Variants in ADAMTSL1 observed in about 807,000 individuals in gnomAD.
The protein encoded by ADAMTSL1 is ADAMTS-like protein 1.
A neutral mutation model predicts 201.8 loss-of-function variants in ADAMTSL1; 126 were observed. That is an observed-to-expected ratio of 0.62 (90% CI 0.54 to 0.72). The LOEUF (loss-of-function observed/expected upper bound fraction) is 0.72. ADAMTSL1 is among the 30% of genes least tolerant of loss of function. The pLI is 0.00. For missense variants in ADAMTSL1, 2,679 were observed against 2,277.8 expected, an observed-to-expected ratio of 1.18 and a Z score of -3.59; for synonymous variants, 1,121 against 903.4, an observed-to-expected ratio of 1.24 and a Z score of -4.32.
chr9:18,064,577 C>CCT (rs1822608859), intron 1 of ADAMTSL1, among the ~76,000 whole-genome samples: 4 of 152,106 alleles, frequency 2.6e-5, no homozygotes, highest in African/African-American at 4.8e-5. Context: ...TGTTTGAGAG[C>CCT]AGAACTTCTC....
chr9:18,248,405 A>C (rs1244378456), intron 2 of ADAMTSL1, among the ~76,000 whole-genome samples: 1 of 152,184 alleles, frequency 6.6e-6, no homozygotes, highest in Admixed American at 6.5e-5. Context: ...AAGAAAAGCC[A>C]AGGTGTATTC....
intron 10 of ADAMTSL1, among the ~76,000 whole-genome samples, chr9:18,679,446 T>G (rs570055057): frequency 1.3e-5 from 2 of 152,072 alleles, no homozygotes; most frequent in Non-Finnish European, 2.9e-5. Context: ...GGCAAAGATA[T>G]CTCTCTGCAT....
intron 28 of ADAMTSL1, chr9:18,907,201 A>C (rs963969082): frequency 4.6e-6 from 2 of 436,486 alleles, no homozygotes; most frequent in Non-Finnish European, 8.3e-6. Context: ...GTTCCCCTGC[A>C]GTCAGTCTGG....
rs575737807 is a variant in ADAMTSL1, at chr9:18,668,961, C to A, written c.1085+6888C>A. Among the ~76,000 whole-genome samples the A allele has an allele frequency of 4.3e-4, 65 of 152,326 alleles. No homozygotes were observed. In the South Asian group the frequency reaches 0.012, roughly 29 times the overall value. ...GCAAATTGGGATGTGGATCTAAGTTCTTCCAGTTCTACAGTATCTCTACAT... is the reference window on the plus strand; with the variant it reads ...GCAAATTGGGATGTGGATCTAAGTTATTCCAGTTCTACAGTATCTCTACAT... On this transcript the variant is annotated intron_variant, in intron 9 of 28. Coordinates refer to ENST00000380548, the MANE Select transcript of ADAMTSL1 (RefSeq NM_001040272.6).
At chr9:18,155,455 C>T (rs1184809113) in intron 1 of ADAMTSL1, among the ~76,000 whole-genome samples, 1 of 152,074 alleles carries the variant, frequency 6.6e-6, no homozygotes, top group Non-Finnish European at 1.5e-5. Flanking sequence ...CACTGTGGAG[C>T]AAGCTTGTCC....
intron 2 of ADAMTSL1, among the ~76,000 whole-genome samples, chr9:18,203,045 A>T (rs1829512678): frequency 6.6e-6 from 1 of 152,136 alleles, no homozygotes; most frequent in South Asian, 2.1e-4. Flanking sequence ...AGTGTCAGGT[A>T]GCCACCTTTC....
intron 1 of ADAMTSL1, among the ~76,000 whole-genome samples, chr9:17,966,443 C>T (rs959326068): frequency 1.3e-5 from 2 of 152,098 alleles, no homozygotes; most frequent in Admixed American, 6.6e-5. Context: ...CTTCATGTGC[C>T]GCATTCCGAT....
chr9:18,695,105 G>A (rs1831472261), intron 13 of ADAMTSL1, among the ~76,000 whole-genome samples: 1 of 152,224 alleles, frequency 6.6e-6, no homozygotes, highest in South Asian at 2.1e-4. Flanking sequence ...TTGTCCCAAG[G>A]TTGTGCAGGG....
At chr9:18,218,826 T>C (rs1269466762) in intron 2 of ADAMTSL1, among the ~76,000 whole-genome samples, 2 of 152,066 alleles carry the variant, frequency 1.3e-5, no homozygotes, top group Non-Finnish European at 2.9e-5. Context: ...TAAAAACCTC[T>C]TCTCTGTATT....
chr9:18,279,645 C>T (rs1323087532), intron 2 of ADAMTSL1, among the ~76,000 whole-genome samples: 3 of 151,704 alleles, frequency 2.0e-5, no homozygotes, highest in Non-Finnish European at 4.4e-5. Flanking sequence ...AACAGAAATC[C>T]ACAACTTAGA....
At position 18,681,929 on chromosome 9, in the gene ADAMTSL1, A is replaced by C; in HGVS notation, c.1459A>C (p.Ile487Leu). ...KTKPHIKEEC[I>L]VPTPCYKPKE... ...AAAGCCCCACATAAAAGAGGAATGC[A>C]TCGTACCCACTCCCTGCTATAAACC... Residue 487 changes from isoleucine to leucine, a missense_variant, in exon 12 of 29, where the codon ATC (isoleucine) becomes CTC (leucine). Physicochemically the swap from Ile to Leu is conservative, Grantham distance 5. Coordinates refer to ENST00000380548, the MANE Select transcript of ADAMTSL1 (RefSeq NM_001040272.6). The C allele has an allele frequency of 6.2e-7, 1 of 1,614,204 alleles. No individual in the cohort carries two copies.
At chr9:18,432,022 C>T (rs1819515534) in intron 2 of ADAMTSL1, among the ~76,000 whole-genome samples, 1 of 152,162 alleles carries the variant, frequency 6.6e-6, no homozygotes, top group African/African-American at 2.4e-5. Context: ...CTCTTTCTTA[C>T]TCTCTATTGG....
At chr9:18,022,935 T>C (rs1056851828) in intron 1 of ADAMTSL1, among the ~76,000 whole-genome samples, 7 of 152,122 alleles carry the variant, frequency 4.6e-5, no homozygotes, top group African/African-American at 1.7e-4. Flanking sequence ...TGGCCTCCCA[T>C]CCTTCTCCAC....
rs989566578 is a variant in ADAMTSL1, at chr9:18,813,363, T to C, written c.3806-3746T>C. 2.6e-5 allele frequency among the ~76,000 whole-genome samples: 4 copies of C among 152,142 alleles called. No individual in the cohort carries two copies. In the South Asian group the frequency reaches 6.2e-4, roughly 24 times the overall value. On this transcript the variant is annotated intron_variant, in intron 20 of 28. Coordinates refer to ENST00000380548, the MANE Select transcript of ADAMTSL1 (RefSeq NM_001040272.6). ...TTGTTCTTTCTATTTTTGTAAAGAG[T>C]GTCATTTGTATTTTCACAGGGATTG... is the stretch of plus-strand genomic sequence containing the variant.
chr9:18,642,150 A>G (rs1827484356), intron 7 of ADAMTSL1, among the ~76,000 whole-genome samples: 1 of 152,058 alleles, frequency 6.6e-6, no homozygotes, highest in African/African-American at 2.4e-5. Context: ...GCTTACACAG[A>G]GGCCATGACT....
intron 3 of ADAMTSL1, among the ~76,000 whole-genome samples, chr9:18,572,176 C>G (rs1160357688): frequency 2.0e-5 from 3 of 147,392 alleles, no homozygotes; most frequent in Non-Finnish European, 4.5e-5. Context: ...CCCGGGGAGA[C>G]AGAGCGAGAC....
At chr9:18,522,845 G>A (rs1818786011) in intron 2 of ADAMTSL1, among the ~76,000 whole-genome samples, 1 of 152,114 alleles carries the variant, frequency 6.6e-6, no homozygotes, top group Non-Finnish European at 1.5e-5. Flanking sequence ...GATCATTCAT[G>A]GACATTAGGT....
intron 2 of ADAMTSL1, among the ~76,000 whole-genome samples, chr9:18,179,894 A>G (rs549448634): frequency 2.0e-4 from 30 of 152,344 alleles, no homozygotes; most frequent in Admixed American, 1.6e-3. Flanking sequence ...ATGGAAAGGA[A>G]CAACAAGTAC....
At chr9:18,841,817 A>C (rs1247198492) in intron 23 of ADAMTSL1, among the ~76,000 whole-genome samples, 2 of 152,116 alleles carry the variant, frequency 1.3e-5, no homozygotes, top group Non-Finnish European at 2.9e-5. Flanking sequence ...TTTCTAGTTT[A>C]TTTGCGTAGA....
Sources: gnomAD v4.1 joint callset for allele counts (sites outside exome capture counted in the v4.1 genomes callset) on GRCh38, gnomAD v4.1.1 for gene constraint, MANE v1.5 for transcripts, NCBI Gene and HGNC (gene_info 2026-07-23, HGNC 2026-07-21) for gene names.